CTNNA2: variants seen among roughly 807,000 people sequenced by gnomAD.
CTNNA2 encodes catenin alpha 2, also known as catenin alpha-2.
In CTNNA2, 42 loss-of-function variants were observed where a neutral mutation model predicts 101.0. The ratio of observed to expected loss-of-function variants is 0.42; its 90% CI spans 0.32 to 0.54. CTNNA2 has a LOEUF of 0.54. Among genes scored for constraint, CTNNA2 ranks in the 20% least tolerant of loss-of-function variants. CTNNA2 has a pLI of 0.14. For synonymous variants in CTNNA2, 450 were observed against 456.4 expected (o/e 0.99, Z 0.18); for missense variants, 871 against 1,223.1 (o/e 0.71, Z 4.29).
At chr2:79,768,221 TC>T (rs1205524665) in intron 3 of CTNNA2, among the ~76,000 whole-genome samples, 1 of 151,600 alleles carries the variant, frequency 6.6e-6, no homozygotes, top group Non-Finnish European at 1.5e-5. Flanking sequence ...GCTGTCCCTT[TC>T]CCAGTGCCAG....
At position 79,885,618 on chromosome 2, in the gene CTNNA2, G is replaced by A. The variant is rs13413038; in HGVS notation, c.852+11276G>A. 0.027 allele frequency among the ~76,000 whole-genome samples: 4,148 copies of A among 152,220 alleles called. 308 individuals carry two copies. The East Asian group carries it at 0.3, about 11-fold the overall frequency. On this transcript the variant is annotated intron_variant, in intron 6 of 18. Transcript: ENST00000402739. Reference sequence around the variant, plus strand: ...ACTTGCCCCAGGCCTTATCTACTTCGATATTTTATAAAGTCATTTGACTAC... The same window carrying A: ...ACTTGCCCCAGGCCTTATCTACTTCAATATTTTATAAAGTCATTTGACTAC...
chr2:80,244,976 A>G (rs1671211872), intron 7 of CTNNA2, among the ~76,000 whole-genome samples: 1 of 152,188 alleles, frequency 6.6e-6, no homozygotes, highest in South Asian at 2.1e-4. Flanking sequence ...TGTGCATGTG[A>G]CAAAGCGGGC....
chr2:79,648,864 C>A (rs1681017568), intron 1 of CTNNA2, among the ~76,000 whole-genome samples: 1 of 152,192 alleles, frequency 6.6e-6, no homozygotes, highest in East Asian at 1.9e-4. Flanking sequence ...AACAGCATTT[C>A]ACATTTCTAT....
chr2:79,575,429 A>C (rs1203101644), intron 1 of CTNNA2: 2 of 152,168 alleles, frequency 1.3e-5, no homozygotes, highest in Non-Finnish European at 2.9e-5. Context: ...GCCCTCCTCA[A>C]GGAATATGAA....
chr2:79,871,041 A>C (rs2104030938), intron 5 of CTNNA2, among the ~76,000 whole-genome samples: 1 of 152,274 alleles, frequency 6.6e-6, no homozygotes, highest in South Asian at 2.1e-4. Flanking sequence ...GTGGGTTTTT[A>C]TTCTTTCGCC....
intron 7 of CTNNA2, among the ~76,000 whole-genome samples, chr2:80,321,636 C>T (rs1678701859): frequency 6.6e-6 from 1 of 152,082 alleles, no homozygotes. Context: ...CCATGGTGGG[C>T]TTAAACAATC....
intron 4 of CTNNA2, among the ~76,000 whole-genome samples, chr2:79,404,010 T>C (rs567339128): frequency 2.0e-5 from 3 of 151,772 alleles, no homozygotes; most frequent in Admixed American, 1.3e-4. Flanking sequence ...GTAGGTCTGT[T>C]ATTTTGAGCT....
intron 1 of CTNNA2, among the ~76,000 whole-genome samples, chr2:79,550,319 C>T (rs1463187179): frequency 6.6e-6 from 1 of 152,122 alleles, no homozygotes; most frequent in Non-Finnish European, 1.5e-5. Context: ...TCACTGGATG[C>T]TGTGTTTCCT....
chr2:79,578,463 A>G (rs1675934440), intron 1 of CTNNA2, among the ~76,000 whole-genome samples: 1 of 152,128 alleles, frequency 6.6e-6, no homozygotes, highest in Non-Finnish European at 1.5e-5. Context: ...AATAGTTTAT[A>G]ATCTTAAAGA....
chr2:80,009,947 G>A (rs148784163), intron 7 of CTNNA2, among the ~76,000 whole-genome samples: 8 of 152,260 alleles, frequency 5.3e-5, no homozygotes, highest in African/African-American at 1.9e-4. Flanking sequence ...TTTACAAGTT[G>A]CATGAACCTG....
intron 1 of CTNNA2, among the ~76,000 whole-genome samples, chr2:79,195,112 C>T (rs1673941553): frequency 1.3e-5 from 2 of 152,094 alleles, no homozygotes; most frequent in African/African-American, 2.4e-5. Context: ...TTTTTAATGC[C>T]ACAGTGATCC....
intron 3 of CTNNA2, among the ~76,000 whole-genome samples, chr2:79,785,331 A>G (rs1287534294): frequency 1.3e-5 from 2 of 152,184 alleles, no homozygotes; most frequent in Non-Finnish European, 1.5e-5. Flanking sequence ...CTCCAGCCAC[A>G]TTGACCACAG....
intron 2 of CTNNA2, among the ~76,000 whole-genome samples, chr2:79,676,462 T>C (rs2104614051): frequency 6.6e-6 from 1 of 152,288 alleles, no homozygotes; most frequent in East Asian, 1.9e-4. Flanking sequence ...TTCAGGGGTC[T>C]AGGGTGGTAC....
chr2:80,544,877 G>T, intron 9 of CTNNA2, 105 bp from the exon 10 acceptor site: 2 of 909,352 alleles, frequency 2.2e-6, no homozygotes, highest in Non-Finnish European at 3.3e-6. Flanking sequence ...ATTTCTGAAA[G>T]AATTCTCCTG....
At chr2:80,148,946 A>G (rs1057246533) in intron 7 of CTNNA2, among the ~76,000 whole-genome samples, 3 of 151,742 alleles carry the variant, frequency 2.0e-5, no homozygotes, top group Non-Finnish European at 2.9e-5. Context: ...TGTCATTAGC[A>G]CTGCTGACCA....
intron 2 of CTNNA2, among the ~76,000 whole-genome samples, chr2:79,673,428 A>G (rs547911392): frequency 6.6e-6 from 1 of 152,202 alleles, no homozygotes; most frequent in Non-Finnish European, 1.5e-5. Context: ...ATAATAAATT[A>G]TAGCTTTGTA....
chr2:79,923,714 A>T (rs1296357556), intron 7 of CTNNA2, among the ~76,000 whole-genome samples: 2 of 152,074 alleles, frequency 1.3e-5, no homozygotes, highest in Admixed American at 6.6e-5. Flanking sequence ...TTTAACTGAA[A>T]AGTACCCTTT....
chr2:79,981,500 T>G (rs1287915506), intron 7 of CTNNA2, among the ~76,000 whole-genome samples: 1 of 152,096 alleles, frequency 6.6e-6, no homozygotes, highest in Non-Finnish European at 1.5e-5. Context: ...ACCATGAAAA[T>G]AGGAAAGAAC....
chr2:79,728,163 A>G (rs538844226), intron 2 of CTNNA2, among the ~76,000 whole-genome samples: 3 of 152,294 alleles, frequency 2.0e-5, no homozygotes, highest in African/African-American at 7.2e-5. Context: ...ACTGACTTCC[A>G]CAATGGTTGA....
Sources: allele counts gnomAD v4.1 joint callset (sites outside exome capture counted in the v4.1 genomes callset), GRCh38; gene constraint gnomAD v4.1.1; transcripts MANE v1.5; gene names NCBI Gene and HGNC (gene_info 2026-07-23, HGNC 2026-07-21).